The following EPHA6 variants were observed in gnomAD, a reference collection of about 807,000 sequenced individuals.
EPHA6 encodes ephrin type-A receptor 6.
EPHA6 carries 50 observed loss-of-function variants against 112.0 expected under a neutral mutation model. The ratio of observed to expected loss-of-function variants is 0.45; its 90% CI spans 0.36 to 0.56. EPHA6 has a LOEUF of 0.56. Ranked by LOEUF, EPHA6 falls within the 20% of genes least tolerant of loss-of-function variation. The pLI is 0.00. For synonymous variants in EPHA6, 529 were observed against 490.7 expected (o/e 1.08, Z -1.03); for missense variants, 1,280 against 1,417.4 (o/e 0.90, Z 1.56).
At chr3:97,080,793 A>G (rs939602521) in intron 3 of EPHA6, among the ~76,000 whole-genome samples, 3 of 152,026 alleles carry the variant, frequency 2.0e-5, no homozygotes, top group African/African-American at 7.2e-5. Flanking sequence ...ATACATATTG[A>G]TATGAATGTT....
At chr3:96,917,418 CAA>C (rs5851049) in intron 2 of EPHA6, among the ~76,000 whole-genome samples, 24 of 58,070 alleles carry the variant, frequency 4.1e-4, no homozygotes, top group South Asian at 1.2e-3. Flanking sequence ...GACTCCATCT[CAA>C]AAAAAAAAAA....
chr3:97,187,727 AAG>A (rs1491264814), intron 3 of EPHA6, among the ~76,000 whole-genome samples: 18 of 150,132 alleles, frequency 1.2e-4, no homozygotes, highest in South Asian at 4.2e-4. Flanking sequence ...GAAAGAAAGA[AAG>A]AAAGAAAGAA....
At chr3:97,238,373 G>T (rs1230008350) in intron 4 of EPHA6, among the ~76,000 whole-genome samples, 2 of 151,844 alleles carry the variant, frequency 1.3e-5, no homozygotes. Flanking sequence ...TACAATACTT[G>T]TCAAAATTTG....
At chr3:97,451,948 T>C (rs1035232470) in intron 7 of EPHA6, among the ~76,000 whole-genome samples, 1 of 151,948 alleles carries the variant, frequency 6.6e-6, no homozygotes, top group Non-Finnish European at 1.5e-5. Flanking sequence ...GATGATCTGG[T>C]TCAAATTTTT....
chr3:97,603,349 C>T (rs867945114), intron 12 of EPHA6, among the ~76,000 whole-genome samples: 1 of 151,956 alleles, frequency 6.6e-6, no homozygotes. Context: ...TAGCCTCACA[C>T]CTTCCATTTA....
intron 3 of EPHA6, among the ~76,000 whole-genome samples, chr3:97,039,589 T>C (rs888026390): frequency 6.6e-6 from 1 of 152,034 alleles, no homozygotes; most frequent in Non-Finnish European, 1.5e-5. Context: ...TATGAGTATA[T>C]GTAGTTTTGT....
At chr3:97,555,413 A>C (rs905160463) in intron 11 of EPHA6, among the ~76,000 whole-genome samples, 26 of 152,108 alleles carry the variant, frequency 1.7e-4, no homozygotes, top group African/African-American at 6.3e-4. Context: ...TCTTTATAGC[A>C]GCATGATTTA....
At position 97,359,977 on chromosome 3, in the gene EPHA6, A is replaced by T. The variant is rs899360045; in HGVS notation, c.1607-45173A>T. Reference sequence around the variant, plus strand: ...CTCCCAAAGGAGGAAAAAGAAAAAAATAAACAGGAATAAAATGTACTACCC... The same window carrying T: ...CTCCCAAAGGAGGAAAAAGAAAAAATTAAACAGGAATAAAATGTACTACCC... On this transcript the variant is annotated intron_variant, in intron 5 of 17. Transcript: ENST00000389672. Among the ~76,000 whole-genome samples, 102 of 152,210 alleles carry T rather than the reference A, an allele frequency of 6.7e-4. 2 individuals carry two copies. The highest frequency in any genetic ancestry group is 1.3e-4 in the Non-Finnish European group (9 of 68,026).
chr3:97,151,744 T>C (rs1422011070), intron 3 of EPHA6, among the ~76,000 whole-genome samples: 1 of 152,068 alleles, frequency 6.6e-6, no homozygotes, highest in African/African-American at 2.4e-5. Context: ...ACTTGAAAAT[T>C]TAATGTGAAA....
chr3:97,032,897 A>G (rs777941394), intron 3 of EPHA6, among the ~76,000 whole-genome samples: 7 of 151,918 alleles, frequency 4.6e-5, no homozygotes, highest in Non-Finnish European at 8.8e-5. Context: ...AGTATATGTC[A>G]TAGTCTTGTT....
intron 2 of EPHA6, among the ~76,000 whole-genome samples, chr3:96,914,763 G>T (rs2039402287): frequency 6.6e-6 from 1 of 151,988 alleles, no homozygotes; most frequent in Non-Finnish European, 1.5e-5. Flanking sequence ...GAGTAAAGTT[G>T]TATATTTTGA....
At chr3:97,485,888 A>AGAAG (rs2091687767) in intron 10 of EPHA6, among the ~76,000 whole-genome samples, 1 of 152,230 alleles carries the variant, frequency 6.6e-6, no homozygotes, top group African/African-American at 2.4e-5. Context: ...TAGATACAGG[A>AGAAG]GAAGCATTTT....
Position 97,595,967 on chromosome 3 carries a change from A to G in EPHA6, c.2512+3230A>G, listed in dbSNP as rs563810654. ...GTCGCCCAGGCTGGAGTGCAGTGGC[A>G]CGATCTCGGCTCACTGCAAGCTTCG... On this transcript the variant is annotated intron_variant, in intron 12 of 17. Coordinates refer to ENST00000389672, the MANE Select transcript of EPHA6 (RefSeq NM_001080448.3). Among the ~76,000 whole-genome samples, 134 of 135,252 alleles carry G rather than the reference A, an allele frequency of 9.9e-4. 1 individual carries two copies. In the Middle Eastern group the frequency reaches 0.013, roughly 14 times the overall value. The allele number at this position is 135,252 out of a possible 152,430, so 88.7% of individuals were successfully genotyped here.
intron 2 of EPHA6, among the ~76,000 whole-genome samples, chr3:96,971,557 C>G (rs1466706093): frequency 6.6e-6 from 1 of 150,448 alleles, no homozygotes; most frequent in Non-Finnish European, 1.5e-5. Flanking sequence ...CACTAATTTT[C>G]TAAGTTTATG....
chr3:96,843,078 G>A (rs943931315), intron 1 of EPHA6, among the ~76,000 whole-genome samples: 9 of 152,042 alleles, frequency 5.9e-5, no homozygotes, highest in Non-Finnish European at 1.2e-4. Context: ...CTGTGTCTAT[G>A]TGTAGGATTT....
At chr3:97,686,946 T>C (rs1394306868) in intron 14 of EPHA6, among the ~76,000 whole-genome samples, 1 of 152,142 alleles carries the variant, frequency 6.6e-6, no homozygotes, top group African/African-American at 2.4e-5. Context: ...TGGGGGGAAA[T>C]TCTTTCTGGC....
chr3:97,729,189 T>A (rs2107825173), intron 15 of EPHA6, among the ~76,000 whole-genome samples: 1 of 152,204 alleles, frequency 6.6e-6, no homozygotes, highest in South Asian at 2.1e-4. Flanking sequence ...TTTCTATAAT[T>A]CTTTTTATTA....
chr3:96,968,025 C>G (rs1257475256), intron 2 of EPHA6, among the ~76,000 whole-genome samples: 16 of 151,652 alleles, frequency 1.1e-4, no homozygotes, highest in Admixed American at 1.1e-3. Flanking sequence ...TATATGCTTA[C>G]TATTTTTTTC....
chr3:97,218,704 C>G (rs2078104678), intron 3 of EPHA6, among the ~76,000 whole-genome samples: 1 of 152,100 alleles, frequency 6.6e-6, no homozygotes, highest in South Asian at 2.1e-4. Flanking sequence ...GTCCCTGGCC[C>G]CACCCAAATA....
Sources: allele counts gnomAD v4.1 joint callset (sites outside exome capture counted in the v4.1 genomes callset), GRCh38; gene constraint gnomAD v4.1.1; transcripts MANE v1.5; gene names NCBI Gene and HGNC (gene_info 2026-07-23, HGNC 2026-07-21).